The following CABLES1 variants were observed in gnomAD, a reference collection of about 807,000 sequenced individuals.
CABLES1 encodes Cdk5 and Abl enzyme substrate 1, also known as CDK5 and ABL1 enzyme substrate 1.
Under a neutral mutation model 57.8 loss-of-function variants are expected in CABLES1, and 36 were observed. That is an observed-to-expected ratio of 0.62 (90% CI 0.48 to 0.82). CABLES1 has a LOEUF of 0.82. Ranked by LOEUF, CABLES1 falls within the 40% of genes least tolerant of loss-of-function variation. CABLES1 has a pLI of 0.00. For missense variants in CABLES1, 767 were observed against 836.6 expected (o/e 0.92, Z 1.03); for synonymous variants, 374 against 363.0 (o/e 1.03, Z -0.35).
chr18:23,220,711 C>G (rs965133342), intron 4 of CABLES1, among the ~76,000 whole-genome samples: 4 of 152,162 alleles, frequency 2.6e-5, no homozygotes, highest in African/African-American at 9.7e-5. Context: ...GGGCTGCCCT[C>G]TGGGGACACC....
intron 1 of CABLES1, among the ~76,000 whole-genome samples, chr18:23,188,372 T>A (rs1476669847): frequency 1.3e-5 from 2 of 152,262 alleles, no homozygotes; most frequent in African/African-American, 4.8e-5. Flanking sequence ...AACCTTTTTA[T>A]TGCATCCTAA....
At chr18:23,205,181 CT>C (rs34690271) in intron 3 of CABLES1, among the ~76,000 whole-genome samples, 14,217 of 80,610 alleles carry the variant, frequency 0.18, 436 homozygotes, top group Middle Eastern at 0.35. Context: ...TCATTCCTGA[CT>C]TTTTTTTTTT....
At chr18:23,223,391 G>A (rs970989339) in intron 4 of CABLES1, among the ~76,000 whole-genome samples, 7 of 151,744 alleles carry the variant, frequency 4.6e-5, no homozygotes, top group South Asian at 4.2e-4. Flanking sequence ...CAGCCTGGCC[G>A]ACATGATGAA....
intron 1 of CABLES1, among the ~76,000 whole-genome samples, chr18:23,185,368 A>C (rs1288198982): frequency 6.6e-6 from 1 of 152,056 alleles, no homozygotes; most frequent in Non-Finnish European, 1.5e-5. Flanking sequence ...GGGGCTTCAG[A>C]GACTGTTAAT....
At chr18:23,191,686 G>A (rs1025893755) in intron 2 of CABLES1, among the ~76,000 whole-genome samples, 33 of 152,130 alleles carry the variant, frequency 2.2e-4, no homozygotes, top group Admixed American at 1.9e-3. Context: ...CATTAAATTA[G>A]TTTTTAATTT....
chr18:23,190,899 A>AC (rs1313657819), intron 2 of CABLES1, among the ~76,000 whole-genome samples: 3 of 151,780 alleles, frequency 2.0e-5, no homozygotes, highest in Non-Finnish European at 2.9e-5. Flanking sequence ...ATGTAGTGAG[A>AC]CCCCCATGTC....
chr18:23,166,183 CTA>C lies in CABLES1; in HGVS notation c.846-22653_846-22652del, dbSNP rs376632022. Among the ~76,000 whole-genome samples the C allele has an allele frequency of 7.9e-5, 12 of 151,802 alleles. No individual in the cohort carries two copies. The East Asian group carries it at 2.3e-3, about 29-fold the overall frequency. ...TATACATATATATGTATTTATATCTCTATGTATAATATGAATGCAATTTTTTT... is the reference window on the plus strand; with the variant it reads ...TATACATATATATGTATTTATATCTCTGTATAATATGAATGCAATTTTTTT... On this transcript the variant is annotated intron_variant, in intron 1 of 9. Coordinates refer to ENST00000256925, the MANE Select transcript of CABLES1 (RefSeq NM_001100619.3).
chr18:23,152,533 A>C (rs1360209961), intron 1 of CABLES1, among the ~76,000 whole-genome samples: 1 of 136,194 alleles, frequency 7.3e-6, no homozygotes, highest in Non-Finnish European at 1.5e-5. Flanking sequence ...TTCCCAGGCT[A>C]GAGTGCAGTG....
Position 23,252,856 on chromosome 18 carries a change from G to A in CABLES1, c.1447-104G>A, listed in dbSNP as rs888162200. On this transcript the variant is annotated intron_variant, in intron 7 of 9. Transcript: ENST00000256925. ...TTGTAGCTCCAATGCAAGTTTTCCC[G>A]TTGCTCATGGCTTTGGGAGTTGTAA... is the stretch of plus-strand genomic sequence containing the variant. 2.3e-5 allele frequency: 16 copies of A among 705,610 alleles called. No individual in the cohort carries two copies. In the East Asian group the frequency reaches 2.8e-4, roughly 12 times the overall value. 43.7% of individuals were successfully genotyped at this position (705,610 alleles called of 1,614,324 possible).
chr18:23,202,576 A>AAGG (rs1486339121), intron 3 of CABLES1, among the ~76,000 whole-genome samples: 1 of 152,216 alleles, frequency 6.6e-6, no homozygotes, highest in Non-Finnish European at 1.5e-5. Context: ...GATAAATCTC[A>AAGG]GTTCCCAGCC....
intron 4 of CABLES1, among the ~76,000 whole-genome samples, chr18:23,224,865 G>A (rs187201003): frequency 5.3e-5 from 8 of 151,472 alleles, no homozygotes; most frequent in Admixed American, 3.3e-4. Flanking sequence ...CACCGCACCC[G>A]GCCTTCTTTT....
chr18:23,180,125 G>T (rs1382277017), intron 1 of CABLES1, among the ~76,000 whole-genome samples: 1 of 151,978 alleles, frequency 6.6e-6, no homozygotes, highest in Non-Finnish European at 1.5e-5. Flanking sequence ...GTTTCGCCGT[G>T]TTAGCCAGGA....
intron 7 of CABLES1, among the ~76,000 whole-genome samples, chr18:23,241,079 C>T (rs1486207874): frequency 1.3e-5 from 2 of 152,222 alleles, no homozygotes; most frequent in Admixed American, 6.5e-5. Flanking sequence ...TTACTATTCT[C>T]ACTTCTGTCA....
intron 8 of CABLES1, 146 bp from the exon 9 acceptor site, chr18:23,253,583 C>T (rs2048092300): frequency 1.5e-6 from 1 of 669,300 alleles, no homozygotes; most frequent in Admixed American, 2.8e-5. Flanking sequence ...CATAACGCAG[C>T]CTTCACACTC....
intron 1 of CABLES1, among the ~76,000 whole-genome samples, chr18:23,176,055 A>G (rs2047121060): frequency 6.6e-6 from 1 of 152,254 alleles, no homozygotes; most frequent in African/African-American, 2.4e-5. Flanking sequence ...ACAGCTTCAT[A>G]GAGCAGGTGG....
intron 7 of CABLES1, among the ~76,000 whole-genome samples, chr18:23,239,478 T>G (rs775046199): frequency 6.6e-6 from 1 of 152,228 alleles, no homozygotes; most frequent in Non-Finnish European, 1.5e-5. Flanking sequence ...ACAAAGGGCC[T>G]CAACCCCCCA....
intron 1 of CABLES1, among the ~76,000 whole-genome samples, chr18:23,186,127 C>T (rs2047200835): frequency 6.6e-6 from 1 of 152,186 alleles, no homozygotes; most frequent in Non-Finnish European, 1.5e-5. Context: ...TGGGTGGGCT[C>T]AGGCACAAGG....
At chr18:23,187,687 A>G (rs989591755) in intron 1 of CABLES1, among the ~76,000 whole-genome samples, 1 of 152,014 alleles carries the variant, frequency 6.6e-6, no homozygotes, top group African/African-American at 2.4e-5. Context: ...GTGCCTGGCC[A>G]CAAGTATTTT....
At chr18:23,152,827 G>C (rs2046939868) in intron 1 of CABLES1, among the ~76,000 whole-genome samples, 1 of 151,624 alleles carries the variant, frequency 6.6e-6, no homozygotes, top group Non-Finnish European at 1.5e-5. Flanking sequence ...TTGAGACAGA[G>C]TTTCGCTCTT....
Sources: gnomAD v4.1 joint callset for allele counts (sites outside exome capture counted in the v4.1 genomes callset) on GRCh38, gnomAD v4.1.1 for gene constraint, MANE v1.5 for transcripts, NCBI Gene and HGNC (gene_info 2026-07-23, HGNC 2026-07-21) for gene names.